Variants in RGS12 observed in about 807,000 individuals in gnomAD.
RGS12 encodes the protein regulator of G-protein signaling 12.
Under a neutral mutation model 120.1 loss-of-function variants are expected in RGS12, and 66 were observed. The ratio of observed to expected loss-of-function variants is 0.55; its 90% CI spans 0.45 to 0.67. The LOEUF is 0.67. Among genes scored for constraint, RGS12 ranks in the 30% least tolerant of loss-of-function variants. The probability of loss-of-function intolerance (pLI) is 0.00; values close to 1 mark genes in which losing one functional copy is unlikely to be tolerated. For missense variants in RGS12, 1,859 were observed against 1,957.7 expected (o/e 0.95, Z 0.95); for synonymous variants, 827 against 804.7 (o/e 1.03, Z -0.47).
At chr4:3,377,334 A>C (rs181201374) in intron 3 of RGS12, among the ~76,000 whole-genome samples, 1 of 152,276 alleles carries the variant, frequency 6.6e-6, no homozygotes, top group East Asian at 1.9e-4. Context: ...GGCCTCCTAA[A>C]TTCTGGGATT....
intron 3 of RGS12, chr4:3,370,396 C>T (rs1412590927): frequency 2.6e-5 from 37 of 1,401,012 alleles, no homozygotes; most frequent in African/African-American, 4.3e-5. Flanking sequence ...CCTGTTTTAG[C>T]GAGTGGCAGC....
intron 7 of RGS12, 46 bp downstream of exon 7, chr4:3,416,167 C>A: frequency 6.2e-7 from 1 of 1,606,944 alleles, no homozygotes; most frequent in South Asian, 1.1e-5. Flanking sequence ...GGCTAGGGCT[C>A]GGGGTATAGG....
chr4:3,416,888 G>T, intron 7 of RGS12, 25 bp from the exon 8 acceptor site: 2 of 1,574,186 alleles, frequency 1.3e-6, no homozygotes, highest in South Asian at 1.2e-5. Flanking sequence ...TCCTGTGACT[G>T]TCCCACCTTA....
At chr4:3,420,368 T>G in intron 9 of RGS12, 2 of 527,034 alleles carry the variant, frequency 3.8e-6, no homozygotes, top group East Asian at 3.4e-5. Flanking sequence ...GCCAAGCATG[T>G]TTTGGAGCCA....
intron 4 of RGS12, among the ~76,000 whole-genome samples, chr4:3,398,345 G>A (rs140308522): frequency 4.6e-4 from 70 of 152,264 alleles, no homozygotes; most frequent in African/African-American, 1.4e-3. Flanking sequence ...AACCAGGCAC[G>A]GTGGTGCACA....
intron 2 of RGS12, among the ~76,000 whole-genome samples, chr4:3,329,993 C>T (rs752765095): frequency 6.6e-6 from 1 of 152,160 alleles, no homozygotes; most frequent in Admixed American, 6.5e-5. Flanking sequence ...CACATGTAAT[C>T]GTGAGGCTTT....
upstream of RGS12, among the ~76,000 whole-genome samples, chr4:3,289,927 C>T (rs1268357856): frequency 6.6e-6 from 1 of 152,198 alleles, no homozygotes; most frequent in Non-Finnish European, 1.5e-5. Flanking sequence ...CTTTCTGTGC[C>T]TGGCTTATTT....
intron 17 of RGS12, among the ~76,000 whole-genome samples, chr4:3,438,931 G>A (rs1038322302): frequency 2.6e-5 from 4 of 152,138 alleles, no homozygotes; most frequent in Non-Finnish European, 5.9e-5. Flanking sequence ...CAGCGAGGCA[G>A]GTGGGCGAGC....
rs975677889 is a variant in RGS12 at position 3,431,179 on chromosome 4, C to G, written c.4114+224C>G. ...GATGGTCCCCCCGAGGCGCTCTGGG[C>G]AGGCATCCTGGTGTCCTGAGAGGCT... On this transcript the variant is annotated intron_variant, in intron 17 of 17. Coordinates refer to ENST00000336727, the MANE Select transcript of RGS12 (RefSeq NM_001394154.1). 1.3e-5 allele frequency: 18 copies of G among 1,405,986 alleles called. No individual in the cohort carries two copies. In the African/African-American group the frequency reaches 2.3e-4, roughly 18 times the overall value. The allele number at this position is 1,405,986 out of a possible 1,614,324, so 87.1% of individuals were successfully genotyped here. A position where few individuals can be genotyped will look rare whatever the true frequency, so the allele number is the denominator to read the frequency against.
chr4:3,354,356 C>T (rs568030969), intron 3 of RGS12, among the ~76,000 whole-genome samples: 2 of 152,300 alleles, frequency 1.3e-5, no homozygotes, highest in Non-Finnish European at 2.9e-5. Context: ...TACACACCTG[C>T]CTTTCACATT....
chr4:3,388,030 T>C (rs1259370558), intron 4 of RGS12, among the ~76,000 whole-genome samples: 1 of 151,988 alleles, frequency 6.6e-6, no homozygotes, highest in Non-Finnish European at 1.5e-5. Flanking sequence ...GTGTCCTGGC[T>C]CCTCGCCACG....
intron 3 of RGS12, among the ~76,000 whole-genome samples, chr4:3,376,520 C>T (rs549660580): frequency 6.6e-6 from 1 of 152,216 alleles, no homozygotes; most frequent in Non-Finnish European, 1.5e-5. Context: ...GACACGTGCC[C>T]TCCAAGACCC....
intron 5 of RGS12, 104 bp from the exon 6 acceptor site, chr4:3,414,648 A>T: frequency 1.2e-6 from 1 of 807,084 alleles, no homozygotes; most frequent in Non-Finnish European, 2.1e-6. Flanking sequence ...GCCCTCGGGC[A>T]GCTCACTGAG....
In RGS12 at chr4:3,318,087, G is replaced by A. The variant is rs370000493; in HGVS notation, c.1881+36G>A. On this transcript the variant is annotated intron_variant, in intron 2 of 17. Transcript: ENST00000336727. ...CAGGAGCCACTCAGCGCGGAGGCCC[G>A]GCCTCCTCACTTAGCAGTCACGGGG... 71 of 1,544,166 alleles carry A rather than the reference G, an allele frequency of 4.6e-5. 1 individual carries two copies. Among genetic ancestry groups the A allele is most frequent in the Middle Eastern group, 2.2e-4 (1 of 4,582 alleles).
chr4:3,357,056 T>G (rs954085538), intron 3 of RGS12, among the ~76,000 whole-genome samples: 13 of 152,210 alleles, frequency 8.5e-5, no homozygotes, highest in African/African-American at 3.1e-4. Flanking sequence ...GCACTTTCTG[T>G]TTTTTGATAG....
intron 2 of RGS12, among the ~76,000 whole-genome samples, chr4:3,337,888 C>T (rs1031018481): frequency 6.6e-5 from 10 of 152,132 alleles, no homozygotes; most frequent in Non-Finnish European, 1.0e-4. Flanking sequence ...TAATAAAAAA[C>T]GGCAGTGCAG....
intron 2 of RGS12, among the ~76,000 whole-genome samples, chr4:3,330,945 C>G (rs1467204162): frequency 1.3e-5 from 2 of 152,206 alleles, no homozygotes; most frequent in East Asian, 3.8e-4. Flanking sequence ...ATTGGACAGA[C>G]TTAGTCATGT....
At chr4:3,439,353 C>T (rs1326572049) in intron 17 of RGS12, 102 bp from the exon 18 acceptor site, 5 of 1,163,160 alleles carry the variant, frequency 4.3e-6, no homozygotes, top group Middle Eastern at 2.3e-4. Flanking sequence ...TTTCAGGGAC[C>T]CCTACCATGC....
intron 17 of RGS12, among the ~76,000 whole-genome samples, chr4:3,432,824 C>T (rs958302383): frequency 6.6e-6 from 1 of 152,146 alleles, no homozygotes; most frequent in African/African-American, 2.4e-5. Flanking sequence ...AGGAGGAGAC[C>T]CAGTGAGTGG....
Sources: allele counts gnomAD v4.1 joint callset (sites outside exome capture counted in the v4.1 genomes callset), GRCh38; gene constraint gnomAD v4.1.1; transcripts MANE v1.5; gene names NCBI Gene and HGNC (gene_info 2026-07-23, HGNC 2026-07-21).